MAPK10: variants seen among roughly 807,000 people sequenced by gnomAD.
MAPK10 encodes JNK3 alpha protein kinase.
In MAPK10, 25 loss-of-function variants were observed where a neutral mutation model predicts 59.3. That is an observed-to-expected ratio of 0.42 (90% CI 0.31 to 0.59). MAPK10 has a LOEUF of 0.59. MAPK10 is among the 20% of genes least tolerant of loss of function. MAPK10 has a pLI of 0.15. For synonymous variants in MAPK10, 190 were observed against 200.5 expected (o/e 0.95, Z 0.44); for missense variants, 351 against 568.9 (o/e 0.62, Z 3.90).
rs145400242 is a variant in MAPK10, at chr4:86,208,147, T to C, written c.-6-13740A>G. ...AGGACCAGATGTATTCACAGCCGAATTCTATCAGAGGTACAAGGAGGAATT... is the reference window on the plus strand; with the variant it reads ...AGGACCAGATGTATTCACAGCCGAACTCTATCAGAGGTACAAGGAGGAATT... On this transcript the variant is annotated intron_variant, in intron 2 of 13. Transcript: ENST00000641462. Among the ~76,000 whole-genome samples, 1,244 of 152,252 alleles carry C rather than the reference T, an allele frequency of 8.2e-3. 9 individuals carry two copies. Among genetic ancestry groups the C allele is most frequent in the Non-Finnish European group, 0.012 (790 of 68,030 alleles).
chr4:86,300,121 G>C (rs913889316), intron 2 of MAPK10, among the ~76,000 whole-genome samples: 1 of 152,086 alleles, frequency 6.6e-6, no homozygotes, highest in African/African-American at 2.4e-5. Context: ...TCGAACTCCT[G>C]ACCTCAAGTG....
intron 1 of MAPK10, among the ~76,000 whole-genome samples, chr4:86,591,542 T>A (rs1464306355): frequency 6.6e-6 from 1 of 152,044 alleles, no homozygotes; most frequent in East Asian, 1.9e-4. Context: ...CTTGGCTAAC[T>A]TTTTTATTGT....
chr4:86,482,464 C>T (rs1344260), intron 1 of MAPK10, among the ~76,000 whole-genome samples: 7,739 of 152,032 alleles, frequency 0.051, 258 homozygotes, highest in African/African-American at 0.071. Context: ...TTTCTAGTTA[C>T]GTGCCATGAT....
chr4:86,071,244 T>G (rs1173708233), intron 9 of MAPK10, among the ~76,000 whole-genome samples: 1 of 151,918 alleles, frequency 6.6e-6, no homozygotes, highest in Non-Finnish European at 1.5e-5. Context: ...GGGTTGTTTG[T>G]TTTTTTCTTG....
intron 12 of MAPK10, 61 bp from the exon 13 acceptor site, chr4:86,029,335 C>A: frequency 1.9e-6 from 2 of 1,029,860 alleles, no homozygotes; most frequent in South Asian, 2.6e-5. Flanking sequence ...CAGGGAAATT[C>A]ATTACTTAAT....
intron 2 of MAPK10, among the ~76,000 whole-genome samples, chr4:86,221,493 AT>A: frequency 6.9e-6 from 1 of 145,602 alleles, no homozygotes; most frequent in East Asian, 2.0e-4. Context: ...TTTTTTTTTT[AT>A]AAAAACAGGG....
intron 1 of MAPK10, among the ~76,000 whole-genome samples, chr4:86,592,355 T>TA (rs77290511): frequency 0.037 from 5,377 of 144,208 alleles, 124 homozygotes; most frequent in African/African-American, 0.061. Context: ...ATGGCCTTAA[T>TA]AAAAAAAAAA....
At chr4:86,021,795 C>A (rs887074465) in intron 13 of MAPK10, among the ~76,000 whole-genome samples, 2 of 152,344 alleles carry the variant, frequency 1.3e-5, no homozygotes, top group African/African-American at 4.8e-5. Flanking sequence ...AGCACAGCGC[C>A]GGTGGGCCGG....
intron 1 of MAPK10, among the ~76,000 whole-genome samples, chr4:86,465,041 C>A (rs910965431): frequency 3.9e-5 from 6 of 152,190 alleles, no homozygotes; most frequent in Non-Finnish European, 7.3e-5. Context: ...TCCAGCGATG[C>A]CCAACTTGTG....
intron 1 of MAPK10, among the ~76,000 whole-genome samples, chr4:86,543,180 T>G (rs1050825815): frequency 6.6e-6 from 1 of 152,082 alleles, no homozygotes; most frequent in Non-Finnish European, 1.5e-5. Context: ...TTAGATGGAT[T>G]CCCAAAGAAG....
At chr4:86,479,917 G>C (rs557274400) in intron 1 of MAPK10, among the ~76,000 whole-genome samples, 1 of 151,738 alleles carries the variant, frequency 6.6e-6, no homozygotes, top group Admixed American at 6.6e-5. Flanking sequence ...TCCCACTCTA[G>C]GTTCCCACGC....
chr4:86,085,132 A>G (rs1288564031), intron 9 of MAPK10, among the ~76,000 whole-genome samples: 1 of 152,220 alleles, frequency 6.6e-6, no homozygotes, highest in Non-Finnish European at 1.5e-5. Flanking sequence ...AAGGCTTCAA[A>G]TTATCAATCT....
chr4:86,502,768 C>A (rs1755423162), intron 1 of MAPK10, among the ~76,000 whole-genome samples: 2 of 152,000 alleles, frequency 1.3e-5, no homozygotes, highest in Non-Finnish European at 2.9e-5. Context: ...AAAATGACTC[C>A]CACATTTCAG....
At chr4:86,351,420 C>G (rs1414047827) in intron 2 of MAPK10, among the ~76,000 whole-genome samples, 1 of 151,418 alleles carries the variant, frequency 6.6e-6, no homozygotes, top group East Asian at 1.9e-4. Flanking sequence ...CACACACACA[C>G]ACACACACAT....
rs774519354 is a variant in MAPK10, at chr4:86,098,579, C to T, written c.747G>A (p.Val249=). ...GYKENVDIWS[V]GCIMGEMVRH... Reference sequence around the variant, plus strand: ...GAACCATTTCTCCCATAATGCATCCCACAGACCATATATCCACTAGAACAG... The same window carrying T: ...GAACCATTTCTCCCATAATGCATCCTACAGACCATATATCCACTAGAACAG... Residue 249 remains valine (V), a synonymous_variant, in exon 9 of 14, where the codon GTG becomes GTA. Coordinates refer to ENST00000641462, the MANE Select transcript of MAPK10 (RefSeq NM_138982.4). 3 of 1,612,610 alleles carry T rather than the reference C, an allele frequency of 1.9e-6. No individual in the cohort carries two copies. The South Asian group carries it at 3.3e-5, about 18-fold the overall frequency.
chr4:86,157,411 A>G (rs2068143461), intron 4 of MAPK10, among the ~76,000 whole-genome samples: 1 of 151,982 alleles, frequency 6.6e-6, no homozygotes, highest in African/African-American at 2.4e-5. Context: ...TTTCTGCTCC[A>G]AAGAAAATAA....
In MAPK10 at chr4:86,015,365, T is replaced by G. The variant is rs1742936558; in HGVS notation, c.*1863A>C. 1 of 152,232 alleles carries G rather than the reference T, an allele frequency of 6.6e-6. No individual in the cohort carries two copies. The highest frequency in any genetic ancestry group is 2.1e-4 in the South Asian group (1 of 4,830). The allele number at this position is 152,232 out of a possible 1,614,324, so 9.4% of individuals were successfully genotyped here. ...GCAGTTTTCAGAGCACTGGCATTCT[T>G]GTTTGCTCTGTTTTGGGGATATTCT... is the stretch of plus-strand genomic sequence containing the variant. On this transcript the variant is annotated 3_prime_UTR_variant, in exon 14 of 14. Transcript: ENST00000641462.
chr4:86,279,295 T>C lies in MAPK10; in HGVS notation c.-7+75235A>G, dbSNP rs1020697112. 2.6e-5 allele frequency among the ~76,000 whole-genome samples: 4 copies of C among 152,198 alleles called. No homozygotes were observed. The East Asian group carries it at 7.7e-4, about 29-fold the overall frequency. ...TTTCTCTTTGATATCTTGTTTTCTT[T>C]TCTTTTTTATCTTCTAAGCCTCTGA... On this transcript the variant is annotated intron_variant, in intron 2 of 13. Coordinates refer to ENST00000641462, the MANE Select transcript of MAPK10 (RefSeq NM_138982.4).
At chr4:86,566,140 T>A (rs77181198) in intron 1 of MAPK10, among the ~76,000 whole-genome samples, 4,991 of 152,322 alleles carry the variant, frequency 0.033, 259 homozygotes, top group African/African-American at 0.11. Context: ...TTCTGTATTA[T>A]CATTTGGTAT....
Sources: gnomAD v4.1 joint callset for allele counts (sites outside exome capture counted in the v4.1 genomes callset) on GRCh38, gnomAD v4.1.1 for gene constraint, MANE v1.5 for transcripts, NCBI Gene and HGNC (gene_info 2026-07-23, HGNC 2026-07-21) for gene names.